Variants in CNOT6 observed in about 807,000 individuals in gnomAD.
CNOT6 encodes the protein CCR4-NOT transcription complex subunit 6, also known as carbon catabolite repression 4 protein.
In CNOT6, 12 loss-of-function variants were observed where a neutral mutation model predicts 61.2. The observed-to-expected ratio is 0.20, with a 90% confidence interval of 0.13 to 0.32. CNOT6 has a LOEUF of 0.32. Among genes scored for constraint, CNOT6 ranks in the 10% least tolerant of loss-of-function variants. The probability of loss-of-function intolerance (pLI) is 1.00; values close to 1 mark genes in which losing one functional copy is unlikely to be tolerated. For synonymous variants in CNOT6, 225 were observed against 240.6 expected (o/e 0.94, Z 0.60); for missense variants, 405 against 663.9 (o/e 0.61, Z 4.28).
rs769127884 is a variant in CNOT6, at chr5:180,569,068, C to T, written c.1028-42C>T. ...CTGTAAGAATATATGGGCTGATGGG[C>T]GGGTTTTGTCTCTTTCTTTGTTTCG... On this transcript the variant is annotated intron_variant, in intron 9 of 11. Coordinates refer to ENST00000261951, the MANE Select transcript of CNOT6 (RefSeq NM_001370472.1). 34 of 1,426,196 alleles carry T rather than the reference C, an allele frequency of 2.4e-5. No homozygotes were observed. In the East Asian group the frequency reaches 3.4e-4, roughly 14 times the overall value. The allele number at this position is 1,426,196 out of a possible 1,614,324, so 88.3% of individuals were successfully genotyped here.
chr5:180,500,445 T>TC (rs935750008), intron 1 of CNOT6, among the ~76,000 whole-genome samples: 6 of 77,586 alleles, frequency 7.7e-5, no homozygotes, highest in Non-Finnish European at 1.1e-4. Context: ...TCTTTTCTTT[T>TC]TTTTTTTTTT....
intron 1 of CNOT6, among the ~76,000 whole-genome samples, chr5:180,518,800 C>A (rs951171714): frequency 6.6e-6 from 1 of 152,286 alleles, no homozygotes. Flanking sequence ...GCCAGTGTTT[C>A]CGTTTAATTT....
At chr5:180,511,758 C>G (rs924346269) in intron 1 of CNOT6, among the ~76,000 whole-genome samples, 10 of 151,722 alleles carry the variant, frequency 6.6e-5, no homozygotes, top group Non-Finnish European at 1.5e-4. Flanking sequence ...AGAGTGAGAC[C>G]CTGTATCTGA....
intron 9 of CNOT6, 134 bp downstream of exon 9, chr5:180,568,137 C>A: frequency 3.8e-6 from 3 of 788,336 alleles, no homozygotes; most frequent in Non-Finnish European, 3.7e-6. Flanking sequence ...AGTTGTCTTT[C>A]CTAAAATGTA....
intron 2 of CNOT6, among the ~76,000 whole-genome samples, chr5:180,535,010 C>CG (rs1288610321): frequency 1.3e-5 from 1 of 74,542 alleles, no homozygotes; most frequent in Non-Finnish European, 3.4e-5. Flanking sequence ...TCCCTGGGGT[C>CG]CGAGAGGCCC....
chr5:180,545,432 C>CT (rs1759266466), intron 2 of CNOT6, among the ~76,000 whole-genome samples: 1 of 151,706 alleles, frequency 6.6e-6, no homozygotes, highest in Non-Finnish European at 1.5e-5. Context: ...ACCCTTTTTT[C>CT]TTTTTTTCAT....
At position 180,571,444 on chromosome 5, in the gene CNOT6, G is replaced by A. The variant is rs1760741523; in HGVS notation, c.1461+12G>A. On this transcript the variant is annotated intron_variant, in intron 11 of 11. Transcript: ENST00000261951. ...CATTTGATTTCAAGGTGTGTCTTGA[G>A]ACTGATAAGCTTTTCAAACCTGTCT... The A allele has an allele frequency of 6.2e-7, 1 of 1,604,912 alleles. No individual in the cohort carries two copies. Among genetic ancestry groups the A allele is most frequent in the African/African-American group, 1.3e-5 (1 of 74,738 alleles).
rs781132086 is a variant in CNOT6 at position 180,565,801 on chromosome 5, A to G, written c.560-19A>G. ...TTTTCTGCCACATGTGTGAATAAGT[A>G]AAGTTATCTTTCCTACAGCCTTGTT... On this transcript the variant is annotated intron_variant, in intron 6 of 11. Transcript: ENST00000261951. 3 of 1,548,158 alleles carry G rather than the reference A, an allele frequency of 1.9e-6. No individual in the cohort carries two copies. The highest frequency in any genetic ancestry group is 2.6e-6 in the Non-Finnish European group (3 of 1,143,904).
intron 2 of CNOT6, among the ~76,000 whole-genome samples, chr5:180,543,304 C>T (rs1420704670): frequency 2.0e-5 from 3 of 151,414 alleles, no homozygotes; most frequent in Admixed American, 6.6e-5. Context: ...CGTGGTACAC[C>T]CACCTCGGCC....
rs557028993 is a variant in CNOT6, at chr5:180,528,695, A to G, written c.-2-580A>G. On this transcript the variant is annotated intron_variant, in intron 1 of 11. Transcript: ENST00000261951. ...TTATGAATTCATGAAGTTCATGATG[A>G]CTCAGTTGCAGTCATTTTTCTGATG... Among the ~76,000 whole-genome samples, 6 of 152,094 alleles carry G rather than the reference A, an allele frequency of 3.9e-5. No individual in the cohort carries two copies. In the South Asian group the frequency reaches 1.2e-3, roughly 32 times the overall value.
intron 4 of CNOT6, among the ~76,000 whole-genome samples, chr5:180,559,102 G>A (rs1346775975): frequency 6.6e-6 from 1 of 152,158 alleles, no homozygotes; most frequent in African/African-American, 2.4e-5. Context: ...CTGTTTTTGG[G>A]TAGAATGTTC....
chr5:180,519,301 A>G (rs1561638038), intron 1 of CNOT6, among the ~76,000 whole-genome samples: 1 of 152,250 alleles, frequency 6.6e-6, no homozygotes, highest in Admixed American at 6.5e-5. Context: ...TATCTGGGAC[A>G]CTGCCATTTT....
intron 2 of CNOT6, among the ~76,000 whole-genome samples, chr5:180,545,220 A>T (rs990072642): frequency 8.5e-5 from 13 of 152,154 alleles, no homozygotes; most frequent in Admixed American, 8.5e-4. Flanking sequence ...GTATATTTTG[A>T]CTGTGTACAC....
intron 2 of CNOT6, among the ~76,000 whole-genome samples, chr5:180,537,804 C>CTT (rs11407875): frequency 0.043 from 6,067 of 141,896 alleles, 393 homozygotes; most frequent in African/African-American, 0.14. Context: ...CTTTCTCTCT[C>CTT]TTTTTTTTTT....
rs191922545 is a variant in CNOT6, at chr5:180,533,820, C to T, written c.112+4432C>T. On this transcript the variant is annotated intron_variant, in intron 2 of 11. Transcript: ENST00000261951. ...CAATCTGTTTATTATTTATTTATCC[C>T]TCCATAGAACCACCACTCACACCAA... Among the ~76,000 whole-genome samples the T allele has an allele frequency of 3.8e-3, 585 of 152,180 alleles. 3 individuals carry two copies. The highest frequency in any genetic ancestry group is 6.1e-3 in the Non-Finnish European group (417 of 68,016).
intron 1 of CNOT6, among the ~76,000 whole-genome samples, chr5:180,522,964 A>G (rs538177452): frequency 3.3e-5 from 5 of 152,312 alleles, no homozygotes; most frequent in African/African-American, 1.2e-4. Context: ...AGTGTTGGGA[A>G]CCCAGCTTTA....
chr5:180,566,685 G>T (rs1415901797), intron 7 of CNOT6, among the ~76,000 whole-genome samples: 1 of 132,152 alleles, frequency 7.6e-6, no homozygotes, highest in Non-Finnish European at 1.6e-5. Context: ...GGGGAGACAG[G>T]CTCTTTCTCT....
intron 1 of CNOT6, among the ~76,000 whole-genome samples, chr5:180,516,709 T>C (rs72811160): frequency 0.019 from 2,879 of 152,340 alleles, 38 homozygotes; most frequent in Non-Finnish European, 0.027. Flanking sequence ...ATAAAATTTT[T>C]TTTATTGCTG....
At chr5:180,535,060 C>T (rs1025990577) in intron 2 of CNOT6, among the ~76,000 whole-genome samples, 2 of 107,202 alleles carry the variant, frequency 1.9e-5, no homozygotes, top group Non-Finnish European at 4.7e-5. Flanking sequence ...CCCTGGGGTC[C>T]GAGAGGCCCT....
Sources: allele counts gnomAD v4.1 joint callset (sites outside exome capture counted in the v4.1 genomes callset), GRCh38; gene constraint gnomAD v4.1.1; transcripts MANE v1.5; gene names NCBI Gene and HGNC (gene_info 2026-07-23, HGNC 2026-07-21).